The following TRANK1 variants were observed in gnomAD, a reference collection of about 807,000 sequenced individuals.
The protein encoded by TRANK1 is tetratricopeptide repeat and ankyrin repeat containing 1, also known as TPR and ankyrin repeat-containing protein 1.
TRANK1 carries 198 observed loss-of-function variants against 266.0 expected under a neutral mutation model. The observed-to-expected ratio is 0.74, with a 90% CI of 0.66 to 0.84. The LOEUF is 0.84. TRANK1 is among the 40% of genes least tolerant of loss of function. The pLI is 0.00. For synonymous variants in TRANK1, 1,396 were observed against 1,384.1 expected (o/e 1.01, Z -0.19); for missense variants, 3,326 against 3,634.6 (o/e 0.92, Z 2.18).
chr3:36,834,958 C>T, intron 20 of TRANK1, 51 bp from the exon 21 acceptor site: 1 of 1,497,984 alleles, frequency 6.7e-7, no homozygotes, highest in Non-Finnish European at 9.0e-7. Context: ...GATTAACTTT[C>T]TAATCTTAAA....
chr3:36,896,000 T>TA (rs2125612662), intron 4 of TRANK1, among the ~76,000 whole-genome samples: 1 of 152,346 alleles, frequency 6.6e-6, no homozygotes, highest in South Asian at 2.1e-4. Flanking sequence ...TTTGCCTTTC[T>TA]AGTTGCCAAG....
At chr3:36,892,555 C>T (rs897140541) in intron 6 of TRANK1, among the ~76,000 whole-genome samples, 3 of 152,132 alleles carry the variant, frequency 2.0e-5, no homozygotes, top group South Asian at 2.1e-4. Context: ...CCTTGCGAGG[C>T]GCAGTGATTC....
In TRANK1 at chr3:36,879,573, AAT is replaced by A. The variant is rs1199484644; in HGVS notation, c.908-5279_908-5278del. On this transcript the variant is annotated intron_variant, in intron 8 of 23. Coordinates refer to ENST00000645898, the MANE Select transcript of TRANK1 (RefSeq NM_001329998.2). ...ATCTATATAAATATATAAATATATAAATATATATAAATATACAAATATATAAA... is the reference window on the plus strand; with the variant it reads ...ATCTATATAAATATATAAATATATAAATATATAAATATACAAATATATAAA... 9.9e-3 allele frequency among the ~76,000 whole-genome samples: 1,066 copies of A among 108,060 alleles called. 173 individuals are homozygous for A. The highest frequency in any genetic ancestry group is 0.017 in the Admixed American group (168 of 9,884). The allele number at this position is 108,060 out of a possible 152,430, so 70.9% of individuals were successfully genotyped here.
rs916214752 is a variant in TRANK1 at position 36,840,466 on chromosome 3, T to C, written c.5281-1750A>G. 4.6e-5 allele frequency among the ~76,000 whole-genome samples: 6 copies of C among 130,750 alleles called. No homozygotes were observed. In the East Asian group the frequency reaches 9.7e-4, roughly 21 times the overall value. The allele number at this position is 130,750 out of a possible 152,430, so 85.8% of individuals were successfully genotyped here. On this transcript the variant is annotated intron_variant, in intron 18 of 23. Transcript: ENST00000645898. Reference sequence around the variant, plus strand: ...CAGGGTGGCCACAGTTCTTAACTCCTCCCTGTATCTGTCCACACCCCCTTA... The same window carrying C: ...CAGGGTGGCCACAGTTCTTAACTCCCCCCTGTATCTGTCCACACCCCCTTA...
At chr3:36,873,167 G>A (rs964114159) in intron 9 of TRANK1, among the ~76,000 whole-genome samples, 1 of 152,268 alleles carries the variant, frequency 6.6e-6, no homozygotes, top group South Asian at 2.1e-4. Flanking sequence ...AGGGGGGAGT[G>A]TAACTTACTA....
At chr3:36,923,655 C>T (rs2080248572) in intron 1 of TRANK1, among the ~76,000 whole-genome samples, 1 of 152,142 alleles carries the variant, frequency 6.6e-6, no homozygotes, top group Admixed American at 6.5e-5. Flanking sequence ...GGGAACTGTC[C>T]TCACAGGAAA....
chr3:36,846,036 G>T (rs1435984317), intron 17 of TRANK1, among the ~76,000 whole-genome samples: 2 of 152,136 alleles, frequency 1.3e-5, no homozygotes, highest in African/African-American at 4.8e-5. Flanking sequence ...ACAAATAAAA[G>T]ATCTTCCCTG....
intron 9 of TRANK1, 67 bp from the exon 10 acceptor site, chr3:36,864,547 A>T (rs1361644442): frequency 9.8e-6 from 14 of 1,422,314 alleles, no homozygotes; most frequent in Middle Eastern, 1.8e-4. Context: ...TGCAAAAATA[A>T]CCACAATTCT....
At chr3:36,840,826 C>A (rs763649735) in intron 18 of TRANK1, among the ~76,000 whole-genome samples, 2 of 152,220 alleles carry the variant, frequency 1.3e-5, no homozygotes, top group Non-Finnish European at 2.9e-5. Flanking sequence ...AGGTGCTCAG[C>A]TGAGCACAGA....
chr3:36,857,649 A>T lies in TRANK1; in HGVS notation c.2073T>A (p.Gly691=). The change falls in exon 13 of 24, where the codon GGT becomes GGA. Residue 691 remains glycine (G), a synonymous_variant. Coordinates refer to ENST00000645898, the MANE Select transcript of TRANK1 (RefSeq NM_001329998.2). The surrounding 1 kb of genome is among the most constrained non-coding windows in gnomAD (Gnocchi z 4.3). ...CTTCAGGCAGTGTTCTGGCAGTGGC[A>T]CCACATGGCACTGACTTGAATGAAC... ...SQGSFKSVPC[G]ATARTLPEGS... 1 of 1,613,982 alleles carries T rather than the reference A, an allele frequency of 6.2e-7. No individual in the cohort carries two copies. Among genetic ancestry groups the T allele is most frequent in the Non-Finnish European group, 8.5e-7 (1 of 1,179,886 alleles).
intron 23 of TRANK1, 97 bp downstream of exon 23, chr3:36,829,467 A>T: frequency 8.6e-7 from 1 of 1,156,456 alleles, no homozygotes; most frequent in Non-Finnish European, 1.3e-6. Context: ...TATTGACATC[A>T]CTGGGCTGCC....
Position 36,833,218 on chromosome 3 carries a change from A to T in TRANK1, c.6365T>A (p.Val2122Glu), listed in dbSNP as rs1489294771. 7 of 1,613,840 alleles carry T rather than the reference A, an allele frequency of 4.3e-6. No homozygotes were observed. In the African/African-American group the frequency reaches 9.3e-5, roughly 22 times the overall value. Reference protein sequence around the residue: ...SCFEFFGISQVDAKYCQIAQN... With the variant: ...SCFEFFGISQEDAKYCQIAQN... ...AGCTATCTGGCAATACTTGGCATCC[A>T]CCTGGGAAATCCCAAAAAACTCAAA... Residue 2122 changes from valine (V) to glutamate (E), a missense_variant, in exon 22 of 24, where the codon GTG (valine) becomes GAG (glutamate). By Grantham distance (121) the Val-to-Glu change is moderately radical. Coordinates refer to ENST00000645898, the MANE Select transcript of TRANK1 (RefSeq NM_001329998.2).
At chr3:36,940,056 A>G (rs2080475181) in intron 1 of TRANK1, among the ~76,000 whole-genome samples, 2 of 151,818 alleles carry the variant, frequency 1.3e-5, no homozygotes, top group South Asian at 4.2e-4. Flanking sequence ...ATGCCTGGCT[A>G]ATTTTTTTAT....
intron 1 of TRANK1, among the ~76,000 whole-genome samples, chr3:36,913,481 C>A (rs1421492606): frequency 6.6e-6 from 1 of 150,382 alleles, no homozygotes; most frequent in Non-Finnish European, 1.5e-5. Flanking sequence ...CTCTCCTCTC[C>A]TCTCTTTCTT....
chr3:36,850,498 G>A, intron 15 of TRANK1: 1 of 985,158 alleles, frequency 1.0e-6, no homozygotes, highest in Non-Finnish European at 1.2e-6. Flanking sequence ...ACAGATAAAG[G>A]TGGCTCATGC....
At chr3:36,852,775 T>TAAAAA (rs761417309) in intron 13 of TRANK1, among the ~76,000 whole-genome samples, 3 of 120,204 alleles carry the variant, frequency 2.5e-5, no homozygotes, top group Non-Finnish European at 3.4e-5. Context: ...CCATCTCAAT[T>TAAAAA]AAAAAAAAAA....
At chr3:36,900,329 C>T (rs191222690) in intron 3 of TRANK1, among the ~76,000 whole-genome samples, 1 of 151,976 alleles carries the variant, frequency 6.6e-6, no homozygotes, top group African/African-American at 2.4e-5. Flanking sequence ...CCACTGGGTA[C>T]GTAAGAAAAC....
At chr3:36,913,455 TCTCTC>T (rs139652709) in intron 1 of TRANK1, among the ~76,000 whole-genome samples, 6,217 of 151,254 alleles carry the variant, frequency 0.041, 371 homozygotes, top group African/African-American at 0.14. Flanking sequence ...TTGCTTTGTT[TCTCTC>T]CTCTCCTCTC....
At chr3:36,895,578 T>C (rs2079777058) in intron 5 of TRANK1, 62 bp downstream of exon 5, 1 of 1,033,120 alleles carries the variant, frequency 9.7e-7, no homozygotes, top group Non-Finnish European at 1.3e-6. Context: ...TCAATGCCAA[T>C]GGAAAGGAAT....
Sources: allele counts gnomAD v4.1 joint callset (sites outside exome capture counted in the v4.1 genomes callset), GRCh38; gene constraint gnomAD v4.1.1; non-coding constraint Gnocchi (gnomAD v3.1); transcripts MANE v1.5; gene names NCBI Gene and HGNC (gene_info 2026-07-23, HGNC 2026-07-21).